The following CHN1 variants were observed in gnomAD, a reference collection of about 807,000 sequenced individuals.
The protein encoded by CHN1 is chimerin 1.
Under a neutral mutation model 59.5 loss-of-function variants are expected in CHN1, and 37 were observed. That is an observed-to-expected ratio of 0.62 (90% CI 0.48 to 0.82). CHN1 has a LOEUF of 0.82. Among genes scored for constraint, CHN1 ranks in the 40% least tolerant of loss-of-function variants. The probability of loss-of-function intolerance (pLI) is 0.00; values close to 1 mark genes in which losing one functional copy is unlikely to be tolerated. For missense variants in CHN1, 469 were observed against 571.0 expected, an observed-to-expected ratio of 0.82 and a Z score of 1.82; for synonymous variants, 206 against 200.4, an observed-to-expected ratio of 1.03 and a Z score of -0.24.
chr2:174,934,667 A>C (rs886598660), intron 3 of CHN1, among the ~76,000 whole-genome samples: 5 of 152,200 alleles, frequency 3.3e-5, no homozygotes, highest in African/African-American at 1.2e-4. Flanking sequence ...TCCTCCAGCC[A>C]TACTGTTACT....
In CHN1 at chr2:175,005,327, G is replaced by C; in HGVS notation, c.-415C>G. 6.8e-6 allele frequency: 8 copies of C among 1,171,900 alleles called. No homozygotes were observed. The highest frequency in any genetic ancestry group is 8.6e-6 in the Non-Finnish European group (8 of 931,312). The allele number at this position is 1,171,900 out of a possible 1,614,324, so 72.6% of individuals were successfully genotyped here. A position where few individuals can be genotyped will look rare whatever the true frequency, so the allele number is the denominator to read the frequency against. Reference sequence around the variant, plus strand: ...CCTCGCACAGCCCCCGGCGGGGCGCGCTCACTCCGCATCCCGCGGCCTCGC... The same window carrying C: ...CCTCGCACAGCCCCCGGCGGGGCGCCCTCACTCCGCATCCCGCGGCCTCGC... On this transcript the variant is annotated 5_prime_UTR_variant, in exon 1 of 13. Coordinates refer to ENST00000409900, the MANE Select transcript of CHN1 (RefSeq NM_001822.7).
At chr2:174,983,767 G>A (rs77555920) in intron 1 of CHN1, among the ~76,000 whole-genome samples, 1 of 152,176 alleles carries the variant, frequency 6.6e-6, no homozygotes, top group African/African-American at 2.4e-5. Flanking sequence ...GGCTGAGGTT[G>A]CAGTGAGCTG....
At chr2:174,802,193 G>GA (rs754466675) in intron 11 of CHN1, 58 of 210,194 alleles carry the variant, frequency 2.8e-4, no homozygotes, top group Non-Finnish European at 5.0e-4. Context: ...AATACTTATA[G>GA]AATGGTACAT....
At chr2:174,998,536 G>A (rs950244185) in intron 1 of CHN1, among the ~76,000 whole-genome samples, 4 of 152,044 alleles carry the variant, frequency 2.6e-5, no homozygotes, top group South Asian at 2.1e-4. Flanking sequence ...CAAAGGAATC[G>A]AAAGGTCAGA....
chr2:174,891,068 G>A (rs1284683448), intron 5 of CHN1, among the ~76,000 whole-genome samples: 3 of 144,716 alleles, frequency 2.1e-5, no homozygotes, highest in African/African-American at 5.2e-5. Flanking sequence ...GCGAACCTGG[G>A]AGGCAGAGCT....
intron 8 of CHN1, among the ~76,000 whole-genome samples, chr2:174,817,291 C>T (rs1685301943): frequency 6.6e-6 from 1 of 152,066 alleles, no homozygotes; most frequent in South Asian, 2.1e-4. Flanking sequence ...ATTGATCTGG[C>T]AGGGTTTTTA....
intron 5 of CHN1, among the ~76,000 whole-genome samples, chr2:174,901,504 T>C (rs1688388523): frequency 6.6e-6 from 1 of 152,198 alleles, no homozygotes; most frequent in South Asian, 2.1e-4. Context: ...CTTGCTTTCC[T>C]TCCACAGCAT....
chr2:174,814,178 GTC>G (rs1685166433), intron 8 of CHN1, among the ~76,000 whole-genome samples: 1 of 152,196 alleles, frequency 6.6e-6, no homozygotes, highest in East Asian at 1.9e-4. Flanking sequence ...GGGAAGCTGG[GTC>G]TCTGCATACA....
At chr2:174,988,152 A>T (rs1691410755) in intron 1 of CHN1, among the ~76,000 whole-genome samples, 1 of 152,058 alleles carries the variant, frequency 6.6e-6, no homozygotes, top group African/African-American at 2.4e-5. Context: ...AGGTCAGGAG[A>T]TCGAGACCAT....
intron 5 of CHN1, among the ~76,000 whole-genome samples, chr2:174,913,494 T>C (rs894367433): frequency 1.3e-5 from 2 of 152,194 alleles, no homozygotes; most frequent in Admixed American, 6.5e-5. Context: ...ATTCAATTAA[T>C]GGTAAATTGA....
intron 8 of CHN1, among the ~76,000 whole-genome samples, chr2:174,820,467 G>T (rs915126376): frequency 6.6e-6 from 1 of 152,180 alleles, no homozygotes; most frequent in African/African-American, 2.4e-5. Context: ...ACCTACTTGG[G>T]TCATAAATAT....
intron 1 of CHN1, among the ~76,000 whole-genome samples, chr2:174,979,984 A>T (rs1391874435): frequency 6.6e-6 from 1 of 152,230 alleles, no homozygotes; most frequent in African/African-American, 2.4e-5. Flanking sequence ...AAGAATTTTT[A>T]TATGTACCAT....
chr2:174,919,527 A>G (rs1688945065), intron 3 of CHN1, among the ~76,000 whole-genome samples: 1 of 152,222 alleles, frequency 6.6e-6, no homozygotes. Flanking sequence ...TTACATTTAA[A>G]GATCACTGAA....
At chr2:174,917,422 G>A (rs903545710) in intron 4 of CHN1, among the ~76,000 whole-genome samples, 5 of 150,552 alleles carry the variant, frequency 3.3e-5, no homozygotes, top group East Asian at 1.9e-4. Context: ...CGACAAAAGC[G>A]AAACTCCATC....
intron 8 of CHN1, among the ~76,000 whole-genome samples, chr2:174,813,340 T>A (rs1685138525): frequency 6.6e-6 from 1 of 152,174 alleles, no homozygotes; most frequent in Non-Finnish European, 1.5e-5. Context: ...GGGAAAGGGG[T>A]GTGGAGGTTC....
chr2:174,835,242 C>T (rs1346666581), intron 7 of CHN1, among the ~76,000 whole-genome samples: 1 of 152,146 alleles, frequency 6.6e-6, no homozygotes. Flanking sequence ...AAGCCAGGGG[C>T]CTTCGGTATC....
chr2:174,842,672 T>C (rs1253971818), intron 7 of CHN1, among the ~76,000 whole-genome samples: 1 of 152,144 alleles, frequency 6.6e-6, no homozygotes, highest in African/African-American at 2.4e-5. Flanking sequence ...TCAGCAAGAG[T>C]GTCGGCCACT....
chr2:174,923,332 G>A (rs1689073338), intron 3 of CHN1, among the ~76,000 whole-genome samples: 1 of 152,040 alleles, frequency 6.6e-6, no homozygotes, highest in African/African-American at 2.4e-5. Context: ...AGTAGAGACG[G>A]GGTTTCACCG....
At chr2:174,865,262 C>T (rs1450099638) in intron 6 of CHN1, among the ~76,000 whole-genome samples, 1 of 152,112 alleles carries the variant, frequency 6.6e-6, no homozygotes, top group Non-Finnish European at 1.5e-5. Context: ...CTTCAACTTC[C>T]TTTGGGCAGC....
Sources: allele counts gnomAD v4.1 joint callset (sites outside exome capture counted in the v4.1 genomes callset), GRCh38; gene constraint gnomAD v4.1.1; transcripts MANE v1.5; gene names NCBI Gene and HGNC (gene_info 2026-07-23, HGNC 2026-07-21).